LRRC4C: variants seen among roughly 807,000 people sequenced by gnomAD.
LRRC4C encodes the protein leucine-rich repeat-containing protein 4C.
Under a neutral mutation model 33.6 loss-of-function variants are expected in LRRC4C, and 5 were observed. That is an observed-to-expected ratio of 0.15 (90% CI 0.08 to 0.31). The LOEUF is 0.31. Among genes scored for constraint, LRRC4C ranks in the 10% least tolerant of loss-of-function variants. The pLI is 1.00. For synonymous variants in LRRC4C, 329 were observed against 302.0 expected, an observed-to-expected ratio of 1.09 and a Z score of -0.93; for missense variants, 560 against 796.7, an observed-to-expected ratio of 0.70 and a Z score of 3.58.
At chr11:40,753,229 G>A (rs1222270967) in intron 2 of LRRC4C, among the ~76,000 whole-genome samples, 1 of 151,874 alleles carries the variant, frequency 6.6e-6, no homozygotes, top group Non-Finnish European at 1.5e-5. Context: ...ATGCTTTATA[G>A]CCGATTAGGG....
At chr11:40,709,820 T>G (rs1946369771) in intron 2 of LRRC4C, among the ~76,000 whole-genome samples, 1 of 152,226 alleles carries the variant, frequency 6.6e-6, no homozygotes, top group Non-Finnish European at 1.5e-5. Context: ...CACTTTCAGG[T>G]ACACCAATCA....
intron 2 of LRRC4C, among the ~76,000 whole-genome samples, chr11:40,851,076 C>T (rs536507337): frequency 6.0e-4 from 91 of 152,266 alleles, no homozygotes; most frequent in African/African-American, 2.1e-3. Flanking sequence ...TGTGGCGGTA[C>T]GATCCACTGA....
intron 1 of LRRC4C, among the ~76,000 whole-genome samples, chr11:41,263,341 T>C (rs1236213621): frequency 6.6e-6 from 1 of 152,128 alleles, no homozygotes; most frequent in Non-Finnish European, 1.5e-5. Context: ...AGTATTCTAC[T>C]ATTAAGAACA....
chr11:40,368,875 C>G (rs924646270), intron 3 of LRRC4C, among the ~76,000 whole-genome samples: 1 of 152,126 alleles, frequency 6.6e-6, no homozygotes, highest in Non-Finnish European at 1.5e-5. Flanking sequence ...TTAAACCACT[C>G]TGAGCCACAA....
At chr11:41,005,444 A>C (rs1854674589) in intron 1 of LRRC4C, among the ~76,000 whole-genome samples, 1 of 152,054 alleles carries the variant, frequency 6.6e-6, no homozygotes, top group Admixed American at 6.6e-5. Context: ...TCTCTACTAA[A>C]AATACAAAAA....
intron 1 of LRRC4C, among the ~76,000 whole-genome samples, chr11:41,107,285 G>T (rs559716594): frequency 6.6e-6 from 1 of 151,934 alleles, no homozygotes; most frequent in Non-Finnish European, 1.5e-5. Flanking sequence ...TACTTAATTG[G>T]CAGCTTATGA....
chr11:40,354,881 C>T (rs936177052), intron 3 of LRRC4C, among the ~76,000 whole-genome samples: 6 of 152,036 alleles, frequency 3.9e-5, no homozygotes, highest in Admixed American at 6.6e-5. Flanking sequence ...CTTTACTCTT[C>T]CCCCTCCTTT....
At chr11:40,469,414 T>C (rs1432649884) in intron 3 of LRRC4C, among the ~76,000 whole-genome samples, 2 of 152,112 alleles carry the variant, frequency 1.3e-5, no homozygotes, top group Non-Finnish European at 1.5e-5. Flanking sequence ...CAGGTGACTA[T>C]ACCACCAGGG....
intron 2 of LRRC4C, among the ~76,000 whole-genome samples, chr11:40,779,564 A>G (rs1221689460): frequency 6.6e-6 from 1 of 152,212 alleles, no homozygotes. Context: ...AAGGCACTAT[A>G]GCTAATTAAA....
At chr11:40,344,129 T>C (rs1947009959) in intron 3 of LRRC4C, among the ~76,000 whole-genome samples, 1 of 151,586 alleles carries the variant, frequency 6.6e-6, no homozygotes, top group Admixed American at 6.6e-5. Flanking sequence ...GAGGAGAAGG[T>C]ACTCCTTCCT....
chr11:40,837,907 C>T (rs1421026589), intron 2 of LRRC4C, among the ~76,000 whole-genome samples: 1 of 151,770 alleles, frequency 6.6e-6, no homozygotes, highest in Non-Finnish European at 1.5e-5. Flanking sequence ...TATATATACA[C>T]ACCCTCACAT....
intron 4 of LRRC4C, chr11:40,241,988 G>C (rs1054920624): frequency 6.6e-6 from 1 of 152,064 alleles, no homozygotes; most frequent in African/African-American, 2.4e-5. Context: ...ATTTCTCCTA[G>C]AGAAATTTTT....
chr11:40,956,734 G>C (rs1310508308), intron 1 of LRRC4C, among the ~76,000 whole-genome samples: 1 of 151,618 alleles, frequency 6.6e-6, no homozygotes, highest in East Asian at 1.9e-4. Flanking sequence ...CTTATAACAA[G>C]TTATTTTGGG....
intron 1 of LRRC4C, among the ~76,000 whole-genome samples, chr11:41,336,008 A>T (rs1350021721): frequency 6.6e-6 from 1 of 152,192 alleles, no homozygotes; most frequent in Non-Finnish European, 1.5e-5. Flanking sequence ...TATGGAGCAA[A>T]GGTAGTCTAT....
intron 3 of LRRC4C, among the ~76,000 whole-genome samples, chr11:40,420,884 A>T (rs780874222): frequency 1.3e-5 from 2 of 152,236 alleles, no homozygotes; most frequent in African/African-American, 2.4e-5. Flanking sequence ...AACTATTAAC[A>T]TGTTTGTAGA....
At chr11:41,140,703 C>T (rs1043678296) in intron 1 of LRRC4C, among the ~76,000 whole-genome samples, 1 of 152,188 alleles carries the variant, frequency 6.6e-6, no homozygotes, top group Non-Finnish European at 1.5e-5. Flanking sequence ...AAGAAAAGCT[C>T]CTTTCTGCAT....
At position 40,304,169 on chromosome 11, in the gene LRRC4C, T is replaced by A. The variant is rs532990228; in HGVS notation, c.-176+15459A>T. On this transcript the variant is annotated intron_variant, in intron 4 of 6. Coordinates refer to ENST00000528697, the MANE Select transcript of LRRC4C (RefSeq NM_001258419.2). Reference sequence around the variant, plus strand: ...GACCTGTATCAAGTCATTTTCCACTTGTAATTTGGGGATATTGAGGGGCCT... The same window carrying A: ...GACCTGTATCAAGTCATTTTCCACTAGTAATTTGGGGATATTGAGGGGCCT... 7.2e-5 allele frequency among the ~76,000 whole-genome samples: 11 copies of A among 152,284 alleles called. No individual in the cohort carries two copies. In the East Asian group the frequency reaches 2.1e-3, roughly 29 times the overall value.
intron 1 of LRRC4C, among the ~76,000 whole-genome samples, chr11:41,331,000 A>G (rs1005429173): frequency 2.0e-5 from 3 of 152,012 alleles, no homozygotes; most frequent in Non-Finnish European, 2.9e-5. Flanking sequence ...TTTTCTTCCT[A>G]ATGACAGCAT....
chr11:40,250,856 A>C (rs1189553883), intron 4 of LRRC4C, among the ~76,000 whole-genome samples: 1 of 152,220 alleles, frequency 6.6e-6, no homozygotes, highest in African/African-American at 2.4e-5. Context: ...ACTGAAGACC[A>C]GAACCACTGT....
Sources: allele counts gnomAD v4.1 joint callset (sites outside exome capture counted in the v4.1 genomes callset), GRCh38; gene constraint gnomAD v4.1.1; transcripts MANE v1.5; gene names NCBI Gene and HGNC (gene_info 2026-07-23, HGNC 2026-07-21).